Variants in CYYR1 observed in about 807,000 individuals in gnomAD.
CYYR1 encodes the protein cysteine and tyrosine-rich protein 1.
In CYYR1, 14 loss-of-function variants were observed where a neutral mutation model predicts 15.2. The ratio of observed to expected loss-of-function variants is 0.92; its 90% confidence interval spans 0.61 to 1.44. The LOEUF is 1.44. CYYR1 is among the 40% of genes most tolerant of loss of function. CYYR1 has a pLI of 0.00. For synonymous variants in CYYR1, 80 were observed against 77.4 expected (o/e 1.03, Z -0.18); for missense variants, 228 against 209.5 (o/e 1.09, Z -0.54).
At chr21:26,542,211 C>T (rs1366095981) in intron 2 of CYYR1, among the ~76,000 whole-genome samples, 1 of 121,706 alleles carries the variant, frequency 8.2e-6, no homozygotes, top group Non-Finnish European at 1.6e-5. Flanking sequence ...TACCATGCAA[C>T]ATAAACAGCA....
chr21:26,561,047 A>G (rs571889327), intron 2 of CYYR1, among the ~76,000 whole-genome samples: 1 of 152,360 alleles, frequency 6.6e-6, no homozygotes, highest in South Asian at 2.1e-4. Flanking sequence ...AGTTATCTAC[A>G]CATTTATATT....
chr21:26,531,633 C>T (rs1050646509), intron 2 of CYYR1, among the ~76,000 whole-genome samples: 1 of 152,132 alleles, frequency 6.6e-6, no homozygotes. Flanking sequence ...AGCTGTGGAA[C>T]TAACTCTTCC....
intron 2 of CYYR1, chr21:26,551,425 C>G (rs777903568): frequency 6.6e-6 from 1 of 152,480 alleles, no homozygotes; most frequent in East Asian, 1.9e-4. Context: ...TGGATCCGGG[C>G]AAAGTAAATT....
intron 2 of CYYR1, among the ~76,000 whole-genome samples, chr21:26,510,802 A>G (rs965875336): frequency 6.6e-6 from 1 of 152,216 alleles, no homozygotes; most frequent in African/African-American, 2.4e-5. Context: ...TTTGTTGAGG[A>G]TGGTAAAATA....
At chr21:26,534,513 A>G (rs562587776) in intron 2 of CYYR1, among the ~76,000 whole-genome samples, 4 of 152,162 alleles carry the variant, frequency 2.6e-5, no homozygotes, top group Admixed American at 1.3e-4. Flanking sequence ...GGATTTGCCC[A>G]ATGAAAGCCT....
intron 2 of CYYR1, among the ~76,000 whole-genome samples, chr21:26,524,226 C>T (rs558869888): frequency 6.6e-6 from 1 of 152,184 alleles, no homozygotes; most frequent in East Asian, 1.9e-4. Flanking sequence ...ACTTCTTATT[C>T]CTTAACTATT....
intron 2 of CYYR1, among the ~76,000 whole-genome samples, chr21:26,533,321 G>C (rs2065956117): frequency 6.6e-6 from 1 of 151,544 alleles, no homozygotes; most frequent in Non-Finnish European, 1.5e-5. Context: ...AATTATGAGG[G>C]CTCACAATAT....
At chr21:26,511,895 A>T (rs1261915844) in intron 2 of CYYR1, among the ~76,000 whole-genome samples, 1 of 152,134 alleles carries the variant, frequency 6.6e-6, no homozygotes, top group African/African-American at 2.4e-5. Flanking sequence ...TAGAGGAAAA[A>T]GTATAGAAAA....
intron 3 of CYYR1, among the ~76,000 whole-genome samples, chr21:26,470,390 G>A (rs552060548): frequency 1.3e-5 from 2 of 152,236 alleles, no homozygotes; most frequent in South Asian, 4.1e-4. Flanking sequence ...CCACCCAAAT[G>A]TCATGCCATT....
intron 2 of CYYR1, among the ~76,000 whole-genome samples, chr21:26,510,398 C>T (rs796963698): frequency 1.1e-4 from 16 of 152,290 alleles, no homozygotes; most frequent in African/African-American, 3.8e-4. Context: ...GTTTATGTAT[C>T]AGCACTGGTT....
chr21:26,538,684 G>A (rs1022080526), intron 2 of CYYR1, among the ~76,000 whole-genome samples: 3 of 152,264 alleles, frequency 2.0e-5, no homozygotes, highest in East Asian at 3.9e-4. Context: ...GAGCAAGAGT[G>A]TGGCTTATTA....
At chr21:26,523,993 G>T (rs1157805705) in intron 2 of CYYR1, among the ~76,000 whole-genome samples, 1 of 152,132 alleles carries the variant, frequency 6.6e-6, no homozygotes, top group Non-Finnish European at 1.5e-5. Flanking sequence ...TTGTGAGACA[G>T]TTAGCATCCT....
At chr21:26,497,105 A>C (rs1000242027) in intron 2 of CYYR1, among the ~76,000 whole-genome samples, 4 of 152,152 alleles carry the variant, frequency 2.6e-5, no homozygotes, top group African/African-American at 7.2e-5. Context: ...AAAGTTTTAA[A>C]ATTTTCTTTA....
chr21:26,485,725 T>C (rs2065240179), intron 2 of CYYR1, among the ~76,000 whole-genome samples: 1 of 152,144 alleles, frequency 6.6e-6, no homozygotes, highest in Non-Finnish European at 1.5e-5. Flanking sequence ...CATTATTTAT[T>C]GTAGGGCATT....
intron 2 of CYYR1, among the ~76,000 whole-genome samples, chr21:26,491,405 T>C (rs775299166): frequency 5.9e-5 from 9 of 152,188 alleles, no homozygotes; most frequent in Non-Finnish European, 1.2e-4. Flanking sequence ...AGGATTTCTA[T>C]TGAAAGTCCA....
chr21:26,530,501 T>G (rs768252009), intron 2 of CYYR1, among the ~76,000 whole-genome samples: 3 of 152,166 alleles, frequency 2.0e-5, no homozygotes, highest in Non-Finnish European at 4.4e-5. Flanking sequence ...CTGGGATACA[T>G]GTGCAGAACG....
intron 2 of CYYR1, among the ~76,000 whole-genome samples, chr21:26,502,658 C>A (rs550227562): frequency 6.6e-6 from 1 of 152,000 alleles, no homozygotes; most frequent in East Asian, 1.9e-4. Context: ...TAGAGGACTC[C>A]GATTTGTTGT....
intron 1 of CYYR1, chr21:26,568,612 A>G (rs571348085): frequency 1.3e-5 from 2 of 152,356 alleles, no homozygotes; most frequent in Admixed American, 1.3e-4. Flanking sequence ...GACAAGCGGG[A>G]TTTAATTAAA....
chr21:26,480,546 G>T, intron 2 of CYYR1, 117 bp from the exon 3 acceptor site: 4 of 1,069,158 alleles, frequency 3.7e-6, no homozygotes, highest in Non-Finnish European at 2.6e-6. Flanking sequence ...TAAGGATAAT[G>T]TGTGTGTGTT....
Sources: allele counts gnomAD v4.1 joint callset (sites outside exome capture counted in the v4.1 genomes callset), GRCh38; gene constraint gnomAD v4.1.1; transcripts MANE v1.5; gene names NCBI Gene and HGNC (gene_info 2026-07-23, HGNC 2026-07-21).